Variants in ADCY8 observed in about 807,000 individuals in gnomAD.
The protein encoded by ADCY8 is adenylate cyclase type 8.
Under a neutral mutation model 119.7 loss-of-function variants are expected in ADCY8, and 51 were observed. The ratio of observed to expected loss-of-function variants is 0.43; its 90% CI spans 0.34 to 0.54. ADCY8 has a LOEUF of 0.54. Ranked by LOEUF, ADCY8 falls within the 20% of genes least tolerant of loss-of-function variation. ADCY8 has a pLI of 0.03. For synonymous variants in ADCY8, 665 were observed against 651.0 expected (o/e 1.02, Z -0.33); for missense variants, 1,383 against 1,598.8 (o/e 0.87, Z 2.30).
chr8:130,791,689 G>T (rs973667553), intron 15 of ADCY8, among the ~76,000 whole-genome samples: 4 of 152,316 alleles, frequency 2.6e-5, no homozygotes, highest in Non-Finnish European at 5.9e-5. Flanking sequence ...TGCTTCTACA[G>T]CTCACTCCAC....
intron 9 of ADCY8, among the ~76,000 whole-genome samples, chr8:130,850,625 G>T (rs189864200): frequency 1.3e-5 from 2 of 152,250 alleles, no homozygotes; most frequent in African/African-American, 2.4e-5. Context: ...GCAAACTGAT[G>T]CAGGTGTTAA....
chr8:131,024,608 G>A (rs1247669526), intron 1 of ADCY8, among the ~76,000 whole-genome samples: 2 of 152,164 alleles, frequency 1.3e-5, no homozygotes, highest in African/African-American at 4.8e-5. Context: ...GGAAATGAGA[G>A]ATAGGCAAGT....
intron 2 of ADCY8, among the ~76,000 whole-genome samples, chr8:130,970,773 T>C (rs746659774): frequency 6.6e-6 from 1 of 152,208 alleles, no homozygotes; most frequent in Non-Finnish European, 1.5e-5. Context: ...CTCTCACTTC[T>C]GGTTGCAGAA....
intron 5 of ADCY8, among the ~76,000 whole-genome samples, chr8:130,927,577 C>G (rs1189626849): frequency 6.6e-6 from 1 of 152,116 alleles, no homozygotes; most frequent in Non-Finnish European, 1.5e-5. Flanking sequence ...TTTCGTTATG[C>G]AGAAAGTTTT....
intron 12 of ADCY8, among the ~76,000 whole-genome samples, chr8:130,830,228 GA>G (rs1434435482): frequency 6.6e-6 from 1 of 152,186 alleles, no homozygotes; most frequent in Non-Finnish European, 1.5e-5. Context: ...TCAAGCTGCA[GA>G]CATAGATGCT....
chr8:130,850,325 G>A (rs988045887), intron 9 of ADCY8, among the ~76,000 whole-genome samples: 2 of 152,134 alleles, frequency 1.3e-5, no homozygotes, highest in Non-Finnish European at 2.9e-5. Context: ...CCTTGTCCAA[G>A]GCATCAGCAT....
chr8:130,938,854 T>C lies in ADCY8; in HGVS notation c.1354-1654A>G, dbSNP rs530017072. ...ATTATTTTTAGGGGATCTGGGCTCC[T>C]GTCTATTGGCTGCTTCAATGCAGCT... On this transcript the variant is annotated intron_variant, in intron 4 of 17. Transcript: ENST00000286355. Among the ~76,000 whole-genome samples, 195 of 152,320 alleles carry C rather than the reference T, an allele frequency of 1.3e-3. 1 individual carries two copies. The highest frequency in any genetic ancestry group is 3.4e-3 in the Middle Eastern group (1 of 294).
intron 1 of ADCY8, among the ~76,000 whole-genome samples, chr8:131,014,042 T>C (rs1301683312): frequency 6.6e-6 from 1 of 152,216 alleles, no homozygotes; most frequent in Non-Finnish European, 1.5e-5. Flanking sequence ...GAAATAACTT[T>C]ACAAAGTTTC....
intron 3 of ADCY8, among the ~76,000 whole-genome samples, chr8:130,944,978 A>G (rs754134045): frequency 2.0e-5 from 3 of 152,212 alleles, no homozygotes; most frequent in Non-Finnish European, 4.4e-5. Flanking sequence ...GTGACCAGCC[A>G]CAGAGGGATC....
At position 130,783,687 on chromosome 8, in the gene ADCY8, T is replaced by G. The variant is rs1414810474; in HGVS notation, c.3268+4A>C. On this transcript the variant is annotated splice_donor_region_variant and intron_variant, in intron 17 of 17. Coordinates refer to ENST00000286355, the MANE Select transcript of ADCY8 (RefSeq NM_001115.3). The stretch of plus-strand genomic sequence containing the variant: ...ATCAGGCCCCACCTGCAGCTGCTAC[T>G]CACCAATCCGGAGTTCAAAATTGTT... 1 of 1,609,596 alleles carries G rather than the reference T, an allele frequency of 6.2e-7. No homozygotes were observed. Among genetic ancestry groups the G allele is most frequent in the South Asian group, 1.1e-5 (1 of 90,382 alleles).
At chr8:131,003,765 G>A (rs1411179) in intron 1 of ADCY8, among the ~76,000 whole-genome samples, 80,658 of 151,950 alleles carry the variant, frequency 0.53, 22,314 homozygotes, top group East Asian at 0.72. Context: ...AACCTGGAGA[G>A]TTCTGGGAAG....
chr8:130,937,093 G>A lies in ADCY8; in HGVS notation c.1461C>T (p.Leu487=). 2 of 1,613,668 alleles carry A rather than the reference G, an allele frequency of 1.2e-6. No homozygotes were observed. The change falls in exon 5 of 18, where the codon CTC becomes CTT. Residue 487 remains leucine, a synonymous_variant. Transcript: ENST00000286355. ...ATTACCTGATGGTTTTGATCATGCT[G>A]AGACCCATTTCAACACAGCAGTGGG... is the stretch of plus-strand genomic sequence containing the variant. The part of the protein sequence containing the change: ...DHAHCCVEMG[L]SMIKTIRYVR...
At chr8:130,790,775 C>T (rs918180758) in intron 15 of ADCY8, among the ~76,000 whole-genome samples, 9 of 152,100 alleles carry the variant, frequency 5.9e-5, no homozygotes, top group East Asian at 1.9e-4. Flanking sequence ...CTTCCTCCGT[C>T]GATCCATTAT....
At chr8:130,958,109 T>C (rs1204566434) in intron 2 of ADCY8, among the ~76,000 whole-genome samples, 1 of 152,116 alleles carries the variant, frequency 6.6e-6, no homozygotes, top group Non-Finnish European at 1.5e-5. Context: ...CTGGATGTCT[T>C]TGGGTTACGA....
chr8:130,852,748 A>C (rs1817577096), intron 9 of ADCY8, among the ~76,000 whole-genome samples: 4 of 150,620 alleles, frequency 2.7e-5, no homozygotes, highest in Non-Finnish European at 4.4e-5. Context: ...TTCCTCCCTC[A>C]CCCTTCTGCA....
At chr8:130,784,474 C>T (rs1815189271) in intron 16 of ADCY8, among the ~76,000 whole-genome samples, 1 of 152,080 alleles carries the variant, frequency 6.6e-6, no homozygotes, top group African/African-American at 2.4e-5. Flanking sequence ...AACTTTGTGC[C>T]CCTGTAGAAC....
chr8:131,035,389 C>A (rs1208909673), intron 1 of ADCY8, among the ~76,000 whole-genome samples: 2 of 152,114 alleles, frequency 1.3e-5, no homozygotes, highest in Non-Finnish European at 2.9e-5. Flanking sequence ...CTGCTCTAGA[C>A]AATAATCTCT....
chr8:130,894,088 C>T (rs1586543158), intron 7 of ADCY8, among the ~76,000 whole-genome samples: 1 of 151,910 alleles, frequency 6.6e-6, no homozygotes, highest in East Asian at 1.9e-4. Flanking sequence ...TTTTTCAGAC[C>T]ACTCTTATAC....
chr8:131,033,857 A>G lies in ADCY8; in HGVS notation c.960+5517T>C, dbSNP rs3750887. Among the ~76,000 whole-genome samples the G allele has an allele frequency of 6.6e-4, 100 of 152,234 alleles. 1 individual carries two copies. Among genetic ancestry groups the G allele is most frequent in the Admixed American group, 1.1e-3 (17 of 15,272 alleles). The stretch of plus-strand genomic sequence containing the variant: ...AGGAGACTCTCTGGGTATCTTTTAC[A>G]AGTAAGAGAGAATAATATTTCCATT... On this transcript the variant is annotated intron_variant, in intron 1 of 17. Coordinates refer to ENST00000286355, the MANE Select transcript of ADCY8 (RefSeq NM_001115.3).
Sources: allele counts gnomAD v4.1 joint callset (sites outside exome capture counted in the v4.1 genomes callset), GRCh38; gene constraint gnomAD v4.1.1; transcripts MANE v1.5; gene names NCBI Gene and HGNC (gene_info 2026-07-23, HGNC 2026-07-21).